TRIP10: variants seen among roughly 807,000 people sequenced by gnomAD.
The protein encoded by TRIP10 is cdc42-interacting protein 4.
A neutral mutation model predicts 80.9 loss-of-function variants in TRIP10; 54 were observed. The observed-to-expected ratio is 0.67, with a 90% CI of 0.54 to 0.84. The LOEUF is 0.84. TRIP10 is among the 40% of genes least tolerant of loss of function. The pLI, the probability that TRIP10 is intolerant of heterozygous loss-of-function variation, is 0.00. For synonymous variants in TRIP10, 321 were observed against 307.2 expected (o/e 1.04, Z -0.47); for missense variants, 773 against 815.3 (o/e 0.95, Z 0.63).
chr19:6,747,664 G>A (rs533815862), intron 11 of TRIP10, among the ~76,000 whole-genome samples: 21 of 152,054 alleles, frequency 1.4e-4, no homozygotes, highest in East Asian at 1.4e-3. Flanking sequence ...ATTGTGGCAC[G>A]CGCCTGTAAT....
rs1363200670 is a variant in TRIP10 at position 6,744,394 on chromosome 19, C to T, written c.643-160C>T. ...CCCTGGCCCTGTGTCTCTTCCCCAACCACAGTGGGCTGGAGTCTCTCTTCC... is the reference window on the plus strand; with the variant it reads ...CCCTGGCCCTGTGTCTCTTCCCCAATCACAGTGGGCTGGAGTCTCTCTTCC... On this transcript the variant is annotated intron_variant, in intron 7 of 14. Coordinates refer to ENST00000313244, the MANE Select transcript of TRIP10 (RefSeq NM_001288962.2). The surrounding 1 kb of genome is among the most constrained non-coding windows in gnomAD (Gnocchi z 4.9). 6.6e-6 allele frequency among the ~76,000 whole-genome samples: 1 copy of T among 152,230 alleles called. No homozygotes were observed. Among genetic ancestry groups the T allele is most frequent in the Non-Finnish European group, 1.5e-5 (1 of 68,044 alleles).
At position 6,746,076 on chromosome 19, in the gene TRIP10, A is replaced by G; in HGVS notation, c.1032A>G (p.Ala344=). 8.6e-7 allele frequency: 1 copy of G among 1,162,506 alleles called. No homozygotes were observed. The highest frequency in any genetic ancestry group is 1.1e-6 in the Non-Finnish European group (1 of 911,226). 72.0% of individuals were successfully genotyped at this position (1,162,506 alleles called of 1,614,324 possible). A position where few individuals can be genotyped will look rare whatever the true frequency, so the allele number is the denominator to read the frequency against. Residue 344 remains alanine (A), a synonymous_variant, in exon 10 of 15, where the codon GCA becomes GCG. Transcript: ENST00000313244. The surrounding 1 kb of genome is among the most constrained non-coding windows in gnomAD (Gnocchi z 6.2). ...CCCTGGGGGGCCCCGTACCCTCGGC[A>G]TTGCCTAACGGACCCCCGTCCCCCC... ...LSPLGGPVPS[A]LPNGPPSPRS...
In TRIP10 at chr19:6,742,954, C is replaced by T; in HGVS notation, c.198-13C>T. ...GCCTGACTCCCTGTTCCCCGATTCT[C>T]ATCCAACCCCAGATTCAGCCAGCAA... On this transcript the variant is annotated splice_polypyrimidine_tract_variant and intron_variant, in intron 3 of 14. Transcript: ENST00000313244. 2.5e-6 allele frequency: 4 copies of T among 1,613,480 alleles called. No homozygotes were observed. The South Asian group carries it at 4.4e-5, about 18-fold the overall frequency.
chr19:6,739,900 G>C lies in TRIP10; in HGVS notation c.24+115G>C. On this transcript the variant is annotated intron_variant, in intron 1 of 14. Coordinates refer to ENST00000313244, the MANE Select transcript of TRIP10 (RefSeq NM_001288962.2). ...CGCCTTTCCCTTCCACCGACCCCTG[G>C]GTCCCCGCCCTCCACCCTCCGCTCT... 2.4e-6 allele frequency: 3 copies of C among 1,230,666 alleles called. No homozygotes were observed. The African/African-American group carries it at 4.7e-5, about 19-fold the overall frequency. 76.2% of individuals were successfully genotyped at this position (1,230,666 alleles called of 1,614,324 possible). A position where few individuals can be genotyped will look rare whatever the true frequency, so the allele number is the denominator to read the frequency against.
chr19:6,743,393 T>C (rs1343679344), intron 5 of TRIP10, 101 bp from the exon 6 acceptor site: 2 of 1,522,160 alleles, frequency 1.3e-6, no homozygotes, highest in African/African-American at 2.7e-5. Context: ...CCTTGACCCC[T>C]ACTTACTGGA....
rs145227710 is a variant in TRIP10 at position 6,743,475 on chromosome 19, G to A, written c.409-19G>A. 5.5e-4 allele frequency: 893 copies of A among 1,612,358 alleles called. 5 individuals carry two copies. In the African/African-American group the frequency reaches 0.01, roughly 19 times the overall value. ...TTTGGGATGGTGGCTCCCTCACTCC[G>A]GTTCTGTCCCCTACACAGAGTAAGC... On this transcript the variant is annotated intron_variant, in intron 5 of 14. Coordinates refer to ENST00000313244, the MANE Select transcript of TRIP10 (RefSeq NM_001288962.2).
chr19:6,745,167 C>A lies in TRIP10; in HGVS notation c.984+173C>A. The A allele has an allele frequency of 2.2e-6, 2 of 916,544 alleles. No homozygotes were observed. The highest frequency in any genetic ancestry group is 3.1e-6 in the Non-Finnish European group (2 of 635,580). The allele number at this position is 916,544 out of a possible 1,614,324, so 56.8% of individuals were successfully genotyped here. ...AAGGCGGCCGATTGGCCTGGGAGTCCCCCGAGGCGAAGGCGGGGGCAGGGT... is the reference window on the plus strand; with the variant it reads ...AAGGCGGCCGATTGGCCTGGGAGTCACCCGAGGCGAAGGCGGGGGCAGGGT... On this transcript the variant is annotated intron_variant, in intron 9 of 14. Transcript: ENST00000313244. The surrounding 1 kb of genome is among the most constrained non-coding windows in gnomAD (Gnocchi z 7.2).
At chr19:6,749,105 A>C (rs2145552820) in intron 11 of TRIP10, among the ~76,000 whole-genome samples, 1 of 151,642 alleles carries the variant, frequency 6.6e-6, no homozygotes, top group South Asian at 2.1e-4. Context: ...ATTTTTTAAA[A>C]ATTATTTTGA....
Position 6,751,053 on chromosome 19 carries a change from C to A in TRIP10, c.1658-10C>A, listed in dbSNP as rs768279566. On this transcript the variant is annotated splice_polypyrimidine_tract_variant and intron_variant, in intron 14 of 14. Coordinates refer to ENST00000313244, the MANE Select transcript of TRIP10 (RefSeq NM_001288962.2). ...AAGCAGATCTGGGCCCACCCCCACC[C>A]CCATCACAGGGTCCAGCGAGGGCAC... The A allele has an allele frequency of 2.0e-6, 3 of 1,527,308 alleles. No homozygotes were observed. Among genetic ancestry groups the A allele is most frequent in the East Asian group, 4.8e-5 (2 of 41,846 alleles). The allele number at this position is 1,527,308 out of a possible 1,614,324, so 94.6% of individuals were successfully genotyped here. A position where few individuals can be genotyped will look rare whatever the true frequency, so the allele number is the denominator to read the frequency against.
At position 6,745,910 on chromosome 19, in the gene TRIP10, T is replaced by TTCCTTTC. The variant is rs780002961; in HGVS notation, c.985-118_985-117insCCTTTCT. 1,251 of 1,264,320 alleles carry TTCCTTTC rather than the reference T, an allele frequency of 9.9e-4. 2 individuals carry two copies. Among genetic ancestry groups the TTCCTTTC allele is most frequent in the Non-Finnish European group, 1.2e-3 (1,179 of 1,002,246 alleles). 78.3% of individuals were successfully genotyped at this position (1,264,320 alleles called of 1,614,324 possible). A position where few individuals can be genotyped will look rare whatever the true frequency, so the allele number is the denominator to read the frequency against. On this transcript the variant is annotated intron_variant, in intron 9 of 14. Coordinates refer to ENST00000313244, the MANE Select transcript of TRIP10 (RefSeq NM_001288962.2). This position sits in a 1 kb window ranked among gnomAD's most constrained non-coding sequence, Gnocchi z 7.2. ...CCATTTTGTTTTTCCTTTTTCCTTT[T>TTCCTTTC]TTTGCGTCCATCCGTCCATCCGTGC...
Position 6,744,389 on chromosome 19 carries a change from C to T in TRIP10, c.643-165C>T, listed in dbSNP as rs1459108997. 6.6e-6 allele frequency among the ~76,000 whole-genome samples: 1 copy of T among 152,206 alleles called. No homozygotes were observed. Among genetic ancestry groups the T allele is most frequent in the African/African-American group, 2.4e-5 (1 of 41,450 alleles). On this transcript the variant is annotated intron_variant, in intron 7 of 14. Transcript: ENST00000313244. The surrounding 1 kb of genome is among the most constrained non-coding windows in gnomAD (Gnocchi z 4.9). ...GATCCCCCTGGCCCTGTGTCTCTTC[C>T]CCAACCACAGTGGGCTGGAGTCTCT...
Position 6,741,214 on chromosome 19 carries a change from T to G in TRIP10, c.141-11T>G. 6.2e-7 allele frequency: 1 copy of G among 1,612,804 alleles called. No individual in the cohort carries two copies. Among genetic ancestry groups the G allele is most frequent in the Non-Finnish European group, 8.5e-7 (1 of 1,179,374 alleles). On this transcript the variant is annotated splice_polypyrimidine_tract_variant and intron_variant, in intron 2 of 14. Transcript: ENST00000313244. ...TGCGGGCTCAGCCCTCCTACCTCTGTCTCCCCTTAGGAGCCTGGTGAAAAA... is the reference window on the plus strand; with the variant it reads ...TGCGGGCTCAGCCCTCCTACCTCTGGCTCCCCTTAGGAGCCTGGTGAAAAA...
Position 6,747,268 on chromosome 19 carries a change from G to A in TRIP10, c.1262+707G>A, listed in dbSNP as rs1168203991. Among the ~76,000 whole-genome samples, 3 of 152,166 alleles carry A rather than the reference G, an allele frequency of 2.0e-5. No homozygotes were observed. In the East Asian group the frequency reaches 5.8e-4, roughly 29 times the overall value. ...AAGCCTGGGAAATGGAGACTACAGT[G>A]AGCTGTGACTGCACCACTTGCACTT... On this transcript the variant is annotated intron_variant, in intron 11 of 14. Transcript: ENST00000313244.
rs1045288012 is a variant in TRIP10, at chr19:6,746,228, T to C, written c.1152+32T>C. On this transcript the variant is annotated intron_variant, in intron 10 of 14. Transcript: ENST00000313244. This position sits in a 1 kb window ranked among gnomAD's most constrained non-coding sequence, Gnocchi z 6.2. The stretch of plus-strand genomic sequence containing the variant: ...GAGGCCTCGGGGCAGGAGGAGGTGG[T>C]GGCCCTAGCCTGCCCAGCGGCGGGT... 182 of 1,504,910 alleles carry C rather than the reference T, an allele frequency of 1.2e-4. 1 individual carries two copies. The highest frequency in any genetic ancestry group is 1.6e-4 in the Non-Finnish European group (175 of 1,120,304). The allele number at this position is 1,504,910 out of a possible 1,614,324, so 93.2% of individuals were successfully genotyped here. A position where few individuals can be genotyped will look rare whatever the true frequency, so the allele number is the denominator to read the frequency against.
Position 6,746,623 on chromosome 19 carries a change from C to T in TRIP10, c.1262+62C>T, listed in dbSNP as rs2145547271. 1 of 1,175,758 alleles carries T rather than the reference C, an allele frequency of 8.5e-7. No homozygotes were observed. The highest frequency in any genetic ancestry group is 1.6e-5 in the South Asian group (1 of 64,450). The allele number at this position is 1,175,758 out of a possible 1,614,324, so 72.8% of individuals were successfully genotyped here. Reference sequence around the variant, plus strand: ...ATGATAAAATAGTAAATGAACTTCACTTATTTGTTTATTATTTTATTTTAT... The same window carrying T: ...ATGATAAAATAGTAAATGAACTTCATTTATTTGTTTATTATTTTATTTTAT... On this transcript the variant is annotated intron_variant, in intron 11 of 14. Coordinates refer to ENST00000313244, the MANE Select transcript of TRIP10 (RefSeq NM_001288962.2). The surrounding 1 kb of genome is among the most constrained non-coding windows in gnomAD (Gnocchi z 6.2).
rs765304120 is a variant in TRIP10 at position 6,746,038 on chromosome 19, C to T, written c.994C>T (p.Pro332Ser). The T allele has an allele frequency of 9.8e-6, 12 of 1,220,256 alleles. No homozygotes were observed. Among genetic ancestry groups the T allele is most frequent in the South Asian group, 3.6e-5 (2 of 55,572 alleles). The allele number at this position is 1,220,256 out of a possible 1,614,324, so 75.6% of individuals were successfully genotyped here. A position where few individuals can be genotyped will look rare whatever the true frequency, so the allele number is the denominator to read the frequency against. ...CGGCCCCCGCCGGTAGCCTCGCCCCCCACCCCTCTCCCCCCTGGGGGGCCC... is the reference window on the plus strand; with the variant it reads ...CGGCCCCCGCCGGTAGCCTCGCCCCTCACCCCTCTCCCCCCTGGGGGGCCC... ...PFGKKNKPRP[P>S]PLSPLGGPVP... The change falls in exon 10 of 15, where the codon CCA becomes TCA. Residue 332 changes from proline to serine, a missense_variant. Transcript: ENST00000313244. This position sits in a 1 kb window ranked among gnomAD's most constrained non-coding sequence, Gnocchi z 6.2.
Position 6,746,762 on chromosome 19 carries a change from T to G in TRIP10, c.1262+201T>G, listed in dbSNP as rs1969147165. On this transcript the variant is annotated intron_variant, in intron 11 of 14. Coordinates refer to ENST00000313244, the MANE Select transcript of TRIP10 (RefSeq NM_001288962.2). The surrounding 1 kb of genome is among the most constrained non-coding windows in gnomAD (Gnocchi z 6.2). ...CCACATCCCAGGTTCAAGCAATTCT[T>G]GTGCCTCAGCCTGCCGATTAGCTAG... Among the ~76,000 whole-genome samples, 1 of 152,134 alleles carries G rather than the reference T, an allele frequency of 6.6e-6. No individual in the cohort carries two copies. The highest frequency in any genetic ancestry group is 6.5e-5 in the Admixed American group (1 of 15,286).
rs1969130360 is a variant in TRIP10 at position 6,746,292 on chromosome 19, C to T, written c.1152+96C>T. On this transcript the variant is annotated intron_variant, in intron 10 of 14. Transcript: ENST00000313244. This position sits in a 1 kb window ranked among gnomAD's most constrained non-coding sequence, Gnocchi z 6.2. ...GCTCGCTTCCTGCCGCTGGCTGGGC[C>T]CCTCTTCCCTGGTTGCCCAACCCAG... The T allele has an allele frequency of 2.7e-6, 4 of 1,485,324 alleles. No individual in the cohort carries two copies. The highest frequency in any genetic ancestry group is 1.3e-5 in the South Asian group (1 of 74,252). 92.0% of individuals were successfully genotyped at this position (1,485,324 alleles called of 1,614,324 possible).
At chr19:6,743,929 C>T in intron 7 of TRIP10, 93 bp downstream of exon 7, 1 of 1,495,458 alleles carries the variant, frequency 6.7e-7, no homozygotes, top group Non-Finnish European at 9.1e-7. Context: ...CTGCAATGTC[C>T]CAGTCCCTAG....
Sources: gnomAD v4.1 joint callset for allele counts (sites outside exome capture counted in the v4.1 genomes callset) on GRCh38, gnomAD v4.1.1 for gene constraint, Gnocchi (gnomAD v3.1) non-coding constraint, MANE v1.5 for transcripts, NCBI Gene and HGNC (gene_info 2026-07-23, HGNC 2026-07-21) for gene names.